The following ADGRF5 variants were observed in gnomAD, a reference collection of about 807,000 sequenced individuals.
ADGRF5 encodes the protein G-protein coupled receptor 116.
In ADGRF5, 75 loss-of-function variants were observed where a neutral mutation model predicts 132.3. The ratio of observed to expected loss-of-function variants is 0.57; its 90% CI spans 0.47 to 0.69. ADGRF5 has a LOEUF of 0.69. Among genes scored for constraint, ADGRF5 ranks in the 30% least tolerant of loss-of-function variants. The probability of loss-of-function intolerance (pLI) is 0.00; values close to 1 mark genes in which losing one functional copy is unlikely to be tolerated. For missense variants in ADGRF5, 1,516 were observed against 1,630.6 expected (o/e 0.93, Z 1.21); for synonymous variants, 629 against 597.6 (o/e 1.05, Z -0.77).
In ADGRF5 at chr6:46,896,517, C is replaced by T. The variant is rs115290653; in HGVS notation, c.157+3512G>A. On this transcript the variant is annotated intron_variant, in intron 3 of 20. Coordinates refer to ENST00000283296, the MANE Select transcript of ADGRF5 (RefSeq NM_001098518.2). Reference sequence around the variant, plus strand: ...ACGCAACACTATTTTATAAATAAATCGATTTTCTTTGTTTAAATTTCTTTA... The same window carrying T: ...ACGCAACACTATTTTATAAATAAATTGATTTTCTTTGTTTAAATTTCTTTA... 4.8e-3 allele frequency among the ~76,000 whole-genome samples: 727 copies of T among 152,012 alleles called. 10 individuals carry two copies. The highest frequency in any genetic ancestry group is 0.017 in the African/African-American group (686 of 41,464).
chr6:46,861,490 G>A (rs1414641340), intron 15 of ADGRF5, among the ~76,000 whole-genome samples: 2 of 152,086 alleles, frequency 1.3e-5, no homozygotes, highest in Non-Finnish European at 2.9e-5. Flanking sequence ...TCTACGAAAA[G>A]CATTTGATAG....
chr6:46,870,183 G>A (rs548326412), intron 11 of ADGRF5, among the ~76,000 whole-genome samples: 1 of 151,954 alleles, frequency 6.6e-6, no homozygotes, highest in African/African-American at 2.4e-5. Context: ...TCTTTTTAGA[G>A]ACAGGGTCTC....
intron 1 of ADGRF5, among the ~76,000 whole-genome samples, chr6:46,954,053 C>A (rs1052481326): frequency 1.3e-5 from 2 of 151,980 alleles, no homozygotes; most frequent in African/African-American, 4.8e-5. Flanking sequence ...TCAATGGTGA[C>A]CAACAAGAGC....
intron 3 of ADGRF5, among the ~76,000 whole-genome samples, chr6:46,899,744 G>A (rs1250194212): frequency 6.6e-6 from 1 of 151,742 alleles, no homozygotes; most frequent in Non-Finnish European, 1.5e-5. Flanking sequence ...ATTTGGTGGT[G>A]CGGGAGGGCA....
intron 4 of ADGRF5, chr6:46,886,638 C>T (rs1006614976): frequency 6.6e-6 from 1 of 152,000 alleles, no homozygotes; most frequent in African/African-American, 2.4e-5. Context: ...TTTGCCATTA[C>T]TAAAAAAGGA....
chr6:46,877,077 C>T (rs1436417866), intron 10 of ADGRF5, among the ~76,000 whole-genome samples: 1 of 152,212 alleles, frequency 6.6e-6, no homozygotes, highest in Non-Finnish European at 1.5e-5. Context: ...GGATCTTGCT[C>T]TATGCAGTTT....
At chr6:46,877,377 CT>C (rs61194249) in intron 10 of ADGRF5, among the ~76,000 whole-genome samples, 44,051 of 79,638 alleles carry the variant, frequency 0.55, 11,648 homozygotes, top group Non-Finnish European at 0.61. Flanking sequence ...TTCTTTCTTT[CT>C]TTCTTTCTTC....
intron 1 of ADGRF5, among the ~76,000 whole-genome samples, chr6:46,954,367 A>G (rs1260035449): frequency 6.6e-6 from 1 of 151,974 alleles, no homozygotes; most frequent in Non-Finnish European, 1.5e-5. Context: ...TAATAAAGAA[A>G]TCATGGTAGA....
intron 1 of ADGRF5, among the ~76,000 whole-genome samples, chr6:46,934,196 T>C (rs1299158703): frequency 6.6e-6 from 1 of 152,010 alleles, no homozygotes; most frequent in Non-Finnish European, 1.5e-5. Flanking sequence ...TCTCTCTCTC[T>C]CAAAAACAAA....
chr6:46,894,978 A>T (rs142540109), intron 3 of ADGRF5, among the ~76,000 whole-genome samples: 1 of 152,316 alleles, frequency 6.6e-6, no homozygotes, highest in Non-Finnish European at 1.5e-5. Context: ...GGAGATGGAG[A>T]CCATCCTGGC....
At chr6:46,942,562 A>C (rs183933146) in intron 1 of ADGRF5, among the ~76,000 whole-genome samples, 1 of 152,364 alleles carries the variant, frequency 6.6e-6, no homozygotes, top group Non-Finnish European at 1.5e-5. Context: ...TATTAAAGGA[A>C]GTATTCCAAA....
At chr6:46,871,697 A>G (rs547793217) in intron 11 of ADGRF5, 146 bp downstream of exon 11, 53 of 473,150 alleles carry the variant, frequency 1.1e-4, no homozygotes, top group South Asian at 7.6e-4. Context: ...ATCCTTTTCT[A>G]TCTCCCATTG....
In ADGRF5 at chr6:46,878,237, A is replaced by G. The variant is rs757086461; in HGVS notation, c.1205T>C (p.Val402Ala). 5 of 1,612,868 alleles carry G rather than the reference A, an allele frequency of 3.1e-6. No individual in the cohort carries two copies. Among genetic ancestry groups the G allele is most frequent in the Middle Eastern group, 1.6e-4 (1 of 6,084 alleles). The change falls in exon 10 of 21, where the codon GTA becomes GCA. Residue 402 changes from valine to alanine, a missense_variant. Physicochemically the swap from Val to Ala is moderately conservative, Grantham distance 64. Transcript: ENST00000283296. ...CSQGNVNWSK[V>A]EWKQEGKINI... is the part of the protein sequence containing the mutation. Reference sequence around the variant, plus strand: ...TATTTTTCCTTCCTGCTTCCATTCTACTTTGCTCCAATTAACATTACCCTG... The same window carrying G: ...TATTTTTCCTTCCTGCTTCCATTCTGCTTTGCTCCAATTAACATTACCCTG...
chr6:46,858,071 C>A, intron 17 of ADGRF5, 58 bp downstream of exon 17: 3 of 1,281,750 alleles, frequency 2.3e-6, no homozygotes, highest in East Asian at 2.3e-5. Flanking sequence ...GTGTTTCTAT[C>A]ATTAATTTGT....
intron 8 of ADGRF5, among the ~76,000 whole-genome samples, chr6:46,880,999 C>A (rs1031135813): frequency 6.6e-6 from 1 of 151,894 alleles, no homozygotes; most frequent in Non-Finnish European, 1.5e-5. Context: ...ACCCTAGAGG[C>A]TGAAGCAGGA....
chr6:46,899,783 A>G (rs1461872160), intron 3 of ADGRF5, among the ~76,000 whole-genome samples: 1 of 151,722 alleles, frequency 6.6e-6, no homozygotes, highest in Non-Finnish European at 1.5e-5. Context: ...GAAAAATCCT[A>G]GGAATGTGAG....
At chr6:46,890,456 G>A (rs1204337710) in intron 3 of ADGRF5, among the ~76,000 whole-genome samples, 5 of 151,968 alleles carry the variant, frequency 3.3e-5, no homozygotes, top group African/African-American at 4.8e-5. Context: ...CATGGCTTAC[G>A]CCTGTAATCC....
intron 13 of ADGRF5, 92 bp downstream of exon 13, chr6:46,866,833 C>T (rs954845354): frequency 5.6e-6 from 4 of 715,860 alleles, no homozygotes; most frequent in African/African-American, 5.3e-5. Context: ...TGATACAATC[C>T]TATGTCTCTT....
chr6:46,878,809 T>A (rs1169094145), intron 9 of ADGRF5, among the ~76,000 whole-genome samples: 6 of 152,176 alleles, frequency 3.9e-5, no homozygotes, highest in Non-Finnish European at 8.8e-5. Context: ...GCCCACCTCA[T>A]CATGCAGAGA....
Sources: allele counts gnomAD v4.1 joint callset (sites outside exome capture counted in the v4.1 genomes callset), GRCh38; gene constraint gnomAD v4.1.1; transcripts MANE v1.5; gene names NCBI Gene and HGNC (gene_info 2026-07-23, HGNC 2026-07-21).